IGF1R: variants seen among roughly 807,000 people sequenced by gnomAD.
IGF1R encodes the protein insulin-like growth factor 1 receptor.
In IGF1R, 44 loss-of-function variants were observed where a neutral mutation model predicts 144.6. The observed-to-expected ratio is 0.30, with a 90% confidence interval of 0.24 to 0.39. The LOEUF is 0.39. IGF1R is among the 10% of genes least tolerant of loss of function. The pLI, the probability that IGF1R is intolerant of heterozygous loss-of-function variation, is 1.00. For synonymous variants in IGF1R, 795 were observed against 722.8 expected (o/e 1.10, Z -1.60); for missense variants, 1,355 against 1,833.7 (o/e 0.74, Z 4.77).
At chr15:98,705,303 A>G (rs1298546039) in intron 1 of IGF1R, among the ~76,000 whole-genome samples, 2 of 152,180 alleles carry the variant, frequency 1.3e-5, no homozygotes, top group African/African-American at 4.8e-5. Context: ...GCTAGGAGCT[A>G]TTCGGTGTCA....
At chr15:98,726,665 A>G (rs2054368079) in intron 2 of IGF1R, among the ~76,000 whole-genome samples, 1 of 149,870 alleles carries the variant, frequency 6.7e-6, no homozygotes, top group Non-Finnish European at 1.5e-5. Context: ...CTTTTCTCTG[A>G]CTTTTTAAAT....
intron 1 of IGF1R, among the ~76,000 whole-genome samples, chr15:98,664,440 G>A (rs919413393): frequency 3.3e-5 from 5 of 152,164 alleles, no homozygotes; most frequent in South Asian, 2.1e-4. Flanking sequence ...CGAGGTGAGC[G>A]GATCACCTGA....
intron 1 of IGF1R, among the ~76,000 whole-genome samples, chr15:98,685,024 C>T (rs2053290858): frequency 6.6e-6 from 1 of 151,194 alleles, no homozygotes; most frequent in South Asian, 2.1e-4. Flanking sequence ...CTTACTGCAG[C>T]CTCAACGTCC....
intron 2 of IGF1R, among the ~76,000 whole-genome samples, chr15:98,783,382 A>T (rs951988707): frequency 6.6e-6 from 1 of 152,188 alleles, no homozygotes; most frequent in Non-Finnish European, 1.5e-5. Flanking sequence ...TCATTTAATA[A>T]TGTTCTGTAA....
chr15:98,879,926 G>A (rs768430601), intron 2 of IGF1R, among the ~76,000 whole-genome samples: 29 of 152,174 alleles, frequency 1.9e-4, no homozygotes, highest in Admixed American at 6.5e-4. Flanking sequence ...ATCCAGAATA[G>A]GCAAATCTAT....
chr15:98,654,711 G>A (rs966282974), intron 1 of IGF1R, among the ~76,000 whole-genome samples: 5 of 152,184 alleles, frequency 3.3e-5, no homozygotes, highest in Non-Finnish European at 5.9e-5. Context: ...GCTTTTCTTA[G>A]CCAGCTTAGG....
intron 20 of IGF1R, among the ~76,000 whole-genome samples, chr15:98,949,754 A>G (rs2016701646): frequency 1.3e-5 from 2 of 152,206 alleles, no homozygotes; most frequent in South Asian, 4.1e-4. Flanking sequence ...GATGCCTCAC[A>G]GTGTTGGTGA....
chr15:98,661,333 C>G (rs1297740124), intron 1 of IGF1R, among the ~76,000 whole-genome samples: 1 of 152,146 alleles, frequency 6.6e-6, no homozygotes, highest in Non-Finnish European at 1.5e-5. Context: ...AGCTCCCGAC[C>G]TCTGGACAGA....
At chr15:98,900,460 T>C (rs1181765153) in intron 5 of IGF1R, 1 of 152,304 alleles carries the variant, frequency 6.6e-6, no homozygotes, top group East Asian at 1.9e-4. Flanking sequence ...GGAAAGGTTG[T>C]CTTTGCTGAT....
intron 1 of IGF1R, among the ~76,000 whole-genome samples, chr15:98,675,476 G>C (rs2053011969): frequency 6.6e-6 from 1 of 152,130 alleles, no homozygotes; most frequent in African/African-American, 2.4e-5. Context: ...CTTAGTTTCA[G>C]CTTCCAGAAG....
chr15:98,823,463 G>T (rs1289060713), intron 2 of IGF1R, among the ~76,000 whole-genome samples: 1 of 152,220 alleles, frequency 6.6e-6, no homozygotes, highest in African/African-American at 2.4e-5. Context: ...ATTAGACCAG[G>T]CTTAGTTAGA....
At chr15:98,767,393 AGG>A (rs1298042157) in intron 2 of IGF1R, among the ~76,000 whole-genome samples, 1 of 152,182 alleles carries the variant, frequency 6.6e-6, no homozygotes, top group African/African-American at 2.4e-5. Flanking sequence ...GAAGGATGGA[AGG>A]GCATTTTGAT....
chr15:98,750,765 G>GA lies in IGF1R; in HGVS notation c.640+42660dup, dbSNP rs539306628. Among the ~76,000 whole-genome samples, 9 of 152,290 alleles carry GA rather than the reference G, an allele frequency of 5.9e-5. No individual in the cohort carries two copies. In the South Asian group the frequency reaches 1.9e-3, roughly 32 times the overall value. ...GCCACCTATAACTCCAGCATTCTGA[G>GA]AACAGTTAAGTGTATTTTCTTCTAG... is the stretch of plus-strand genomic sequence containing the variant. On this transcript the variant is annotated intron_variant, in intron 2 of 20. Coordinates refer to ENST00000650285, the MANE Select transcript of IGF1R (RefSeq NM_000875.5).
At chr15:98,887,098 C>T (rs1377149973) in intron 2 of IGF1R, among the ~76,000 whole-genome samples, 2 of 152,124 alleles carry the variant, frequency 1.3e-5, no homozygotes, top group African/African-American at 2.4e-5. Context: ...AGAAGTTGCT[C>T]TGTATATAAA....
chr15:98,915,635 G>T (rs1455669121), intron 8 of IGF1R, among the ~76,000 whole-genome samples: 1 of 152,192 alleles, frequency 6.6e-6, no homozygotes, highest in Non-Finnish European at 1.5e-5. Context: ...TGTAATAAAT[G>T]AGAAATACCA....
chr15:98,921,735 C>T (rs919805755), intron 10 of IGF1R, among the ~76,000 whole-genome samples: 2 of 152,152 alleles, frequency 1.3e-5, no homozygotes, highest in Non-Finnish European at 2.9e-5. Context: ...TGCCACACAC[C>T]TCACCTCTCC....
Position 98,649,683 on chromosome 15 carries a change from T to C in IGF1R, c.94+8T>C, listed in dbSNP as rs960515960. 1.9e-6 allele frequency: 3 copies of C among 1,601,996 alleles called. No individual in the cohort carries two copies. In the African/African-American group the frequency reaches 4.0e-5, roughly 21 times the overall value. ...GGCCGACGAGTGGAGAAAGTGAGTA[T>C]GTGCCCGCCGCCCGCGGCCACTGCG... is the stretch of plus-strand genomic sequence containing the variant. On this transcript the variant is annotated splice_region_variant and intron_variant, in intron 1 of 20. Coordinates refer to ENST00000650285, the MANE Select transcript of IGF1R (RefSeq NM_000875.5).
Position 98,769,542 on chromosome 15 carries a change from T to A in IGF1R, c.640+61435T>A, listed in dbSNP as rs1406300295. 2.0e-5 allele frequency among the ~76,000 whole-genome samples: 3 copies of A among 152,218 alleles called. No individual in the cohort carries two copies. The East Asian group carries it at 5.8e-4, about 29-fold the overall frequency. On this transcript the variant is annotated intron_variant, in intron 2 of 20. Transcript: ENST00000650285. ...ATGTCATCATGTCATTCTTTTAGACTTGGTAAGAAGTATATTCAAGCAGAT... is the reference window on the plus strand; with the variant it reads ...ATGTCATCATGTCATTCTTTTAGACATGGTAAGAAGTATATTCAAGCAGAT...
At chr15:98,688,524 C>T (rs936835171) in intron 1 of IGF1R, among the ~76,000 whole-genome samples, 6 of 151,888 alleles carry the variant, frequency 4.0e-5, no homozygotes, top group African/African-American at 1.2e-4. Flanking sequence ...ATAATGCTTT[C>T]GTTGGGGGTC....
Sources: gnomAD v4.1 joint callset for allele counts (sites outside exome capture counted in the v4.1 genomes callset) on GRCh38, gnomAD v4.1.1 for gene constraint, MANE v1.5 for transcripts, NCBI Gene and HGNC (gene_info 2026-07-23, HGNC 2026-07-21) for gene names.